The following CCNB3 variants were observed in gnomAD, a reference collection of about 807,000 sequenced individuals.
CCNB3 encodes G2/mitotic-specific cyclin-B3.
A neutral mutation model predicts 68.0 loss-of-function variants in CCNB3; 12 were observed. The ratio of observed to expected loss-of-function variants is 0.18; its 90% confidence interval spans 0.11 to 0.29. The LOEUF (loss-of-function observed/expected upper bound fraction) is 0.29. CCNB3 is among the 10% of genes least tolerant of loss of function. The pLI is 1.00. For missense variants in CCNB3, 904 were observed against 993.1 expected (o/e 0.91, Z 1.21); for synonymous variants, 354 against 388.9 (o/e 0.91, Z 1.06).
At chrX:50,224,162 T>C (rs1000057984) in intron 1 of CCNB3, among the ~76,000 whole-genome samples, 7 of 111,820 alleles carry the variant, frequency 6.3e-5, no homozygotes, top group African/African-American at 1.9e-4. Flanking sequence ...TTTTTTTCCT[T>C]CTGCAAAATT....
In CCNB3 at chrX:50,297,810, G is replaced by A. The variant is rs1192533547; in HGVS notation, c.335+2817G>A. Among the ~76,000 whole-genome samples the A allele has an allele frequency of 1.2e-4, 13 of 111,208 alleles. No homozygotes were observed. The East Asian group carries it at 3.4e-3, about 29-fold the overall frequency. Reference sequence around the variant, plus strand: ...TTTGTATCCTCTTTTATTTCATTGAGCAGTGGTTTGTAGTTCTTCTTGAAA... The same window carrying A: ...TTTGTATCCTCTTTTATTTCATTGAACAGTGGTTTGTAGTTCTTCTTGAAA... On this transcript the variant is annotated intron_variant, in intron 5 of 12. Coordinates refer to ENST00000376042, the MANE Select transcript of CCNB3 (RefSeq NM_033031.3).
chrX:50,322,379 C>T (rs1922066726), intron 8 of CCNB3, among the ~76,000 whole-genome samples: 1 of 110,749 alleles, frequency 9.0e-6, no homozygotes, highest in Admixed American at 9.7e-5. Context: ...ATGTAGAAAG[C>T]TGAAACTGGA....
intron 8 of CCNB3, among the ~76,000 whole-genome samples, chrX:50,335,876 C>A (rs1308088039): frequency 8.9e-6 from 1 of 111,750 alleles, no homozygotes; most frequent in East Asian, 2.8e-4. Flanking sequence ...AAGGGACAGT[C>A]AGGCATATAC....
chrX:50,226,213 T>A (rs1319175374), intron 1 of CCNB3, among the ~76,000 whole-genome samples: 8 of 63,763 alleles, frequency 1.3e-4, no homozygotes, highest in East Asian at 4.5e-4. Flanking sequence ...TATATATATT[T>A]ATATATATAG....
At chrX:50,301,354 T>A (rs1341324910) in intron 5 of CCNB3, among the ~76,000 whole-genome samples, 1 of 112,200 alleles carries the variant, frequency 8.9e-6, no homozygotes, top group African/African-American at 3.2e-5. Flanking sequence ...CTTCTAACAG[T>A]CAGGACCCTC....
intron 1 of CCNB3, among the ~76,000 whole-genome samples, chrX:50,228,194 C>T (rs1569542223): frequency 1.1e-5 from 1 of 88,872 alleles, no homozygotes; most frequent in East Asian, 3.2e-4. Flanking sequence ...ACATAGAATA[C>T]ATATATAAAT....
rs1557214261 is a variant in CCNB3, at chrX:50,309,607, G to A, written c.1438G>A (p.Glu480Lys). 1 of 1,210,985 alleles carries A rather than the reference G, an allele frequency of 8.3e-7. No individual in the cohort carries two copies. The highest frequency in any genetic ancestry group is 1.7e-5 in the African/African-American group (1 of 57,600). The change falls in exon 6 of 13, where the codon GAG becomes AAG. Residue 480 changes from glutamate (E) to lysine (K), a missense_variant. Glu to Lys is a moderately conservative substitution (Grantham distance 56). Transcript: ENST00000376042. ...ALAFTKKCTIEEAPPTKKPLI... is the reference protein window; with the variant it reads ...ALAFTKKCTIKEAPPTKKPLI... ...GGCTTTTACAAAGAAGTGTACCATT[G>A]AGGAGGCACCCCCCACCAAGAAGCC... is the stretch of plus-strand genomic sequence containing the variant.
rs1305607629 is a variant in CCNB3, at chrX:50,311,608, TG to T, written c.3327+113del. 5 of 591,982 alleles carry T rather than the reference TG, an allele frequency of 8.4e-6. No homozygotes were observed. The South Asian group carries it at 9.4e-5, about 11-fold the overall frequency. The allele number at this position is 591,982 out of a possible 1,213,427, so 48.8% of individuals were successfully genotyped here. On this transcript the variant is annotated intron_variant, in intron 6 of 12. Transcript: ENST00000376042. ...TGTTTTTGTTTTTTGTTGTTGTTGT[TG>T]TTTTTTTGCCTTCCTAAGCAGTTGA...
At chrX:50,210,855 G>C (rs1372596224) in intron 1 of CCNB3, among the ~76,000 whole-genome samples, 8 of 111,741 alleles carry the variant, frequency 7.2e-5, no homozygotes, top group African/African-American at 2.6e-4. Context: ...AACGAGTCAC[G>C]CTGGAGATGT....
chrX:50,329,017 C>T (rs889233948), intron 8 of CCNB3, among the ~76,000 whole-genome samples: 1 of 112,755 alleles, frequency 8.9e-6, no homozygotes, highest in Non-Finnish European at 1.9e-5. Context: ...CACACTGCTG[C>T]AAGGGGTGGG....
intron 8 of CCNB3, among the ~76,000 whole-genome samples, chrX:50,322,581 TTAAAC>T (rs1922080671): frequency 9.0e-6 from 1 of 111,622 alleles, no homozygotes; most frequent in South Asian, 3.8e-4. Flanking sequence ...TGGGATCTAA[TTAAAC>T]TAAAGAGCTT....
chrX:50,327,681 G>T (rs1922362329), intron 8 of CCNB3, among the ~76,000 whole-genome samples: 1 of 111,754 alleles, frequency 8.9e-6, no homozygotes, highest in African/African-American at 3.3e-5. Flanking sequence ...GTAATTTCTT[G>T]ATACTTAACG....
chrX:50,279,967 TATATA>T (rs1292715999), intron 1 of CCNB3, among the ~76,000 whole-genome samples: 5 of 84,112 alleles, frequency 5.9e-5, no homozygotes, highest in African/African-American at 1.4e-4. Flanking sequence ...TATGAGTATA[TATATA>T]ATATATGTAG....
intron 1 of CCNB3, among the ~76,000 whole-genome samples, chrX:50,280,144 T>C (rs1225936190): frequency 1.1e-5 from 1 of 93,698 alleles, no homozygotes; most frequent in Non-Finnish European, 2.0e-5. Context: ...TGTAAAAATA[T>C]ATATAGAATA....
In CCNB3 at chrX:50,287,507, A is replaced by C. The variant is rs782272973; in HGVS notation, c.97-1273A>C. On this transcript the variant is annotated intron_variant, in intron 3 of 12. Transcript: ENST00000376042. ...CAGTTCATACGAACTTTTAAAAAACATGTATTGTCTTATTTAATCTTCAAG... is the reference window on the plus strand; with the variant it reads ...CAGTTCATACGAACTTTTAAAAAACCTGTATTGTCTTATTTAATCTTCAAG... Among the ~76,000 whole-genome samples, 13 of 112,167 alleles carry C rather than the reference A, an allele frequency of 1.2e-4. No homozygotes were observed. The East Asian group carries it at 2.5e-3, about 22-fold the overall frequency.
At chrX:50,330,555 A>C (rs73634235) in intron 8 of CCNB3, among the ~76,000 whole-genome samples, 1,158 of 112,177 alleles carry the variant, frequency 0.01, 22 homozygotes, top group African/African-American at 0.034. Flanking sequence ...AGTGATTCAT[A>C]TAGAACACTT....
intron 8 of CCNB3, among the ~76,000 whole-genome samples, chrX:50,330,339 G>T (rs1373608271): frequency 9.0e-6 from 1 of 111,496 alleles, no homozygotes; most frequent in Non-Finnish European, 1.9e-5. Context: ...TTAACTACCA[G>T]GCCTGGAATG....
chrX:50,280,869 A>T (rs1936124430), intron 1 of CCNB3, among the ~76,000 whole-genome samples: 2 of 110,277 alleles, frequency 1.8e-5, no homozygotes, highest in Admixed American at 1.9e-4. Context: ...AAGTGATCCT[A>T]CCACCTCAGC....
At chrX:50,331,361 A>G (rs782519942) in intron 8 of CCNB3, among the ~76,000 whole-genome samples, 1 of 111,893 alleles carries the variant, frequency 8.9e-6, no homozygotes, top group African/African-American at 3.2e-5. Flanking sequence ...TACTAAATGT[A>G]TTCCTTTCTG....
Sources: allele counts gnomAD v4.1 joint callset (sites outside exome capture counted in the v4.1 genomes callset), GRCh38; gene constraint gnomAD v4.1.1; transcripts MANE v1.5; gene names NCBI Gene and HGNC (gene_info 2026-07-23, HGNC 2026-07-21).